The following CNKSR1 variants were observed in gnomAD, a reference collection of about 807,000 sequenced individuals.
The protein encoded by CNKSR1 is CNK homolog protein 1.
CNKSR1 carries 88 observed loss-of-function variants against 95.6 expected under a neutral mutation model. That is an observed-to-expected ratio of 0.92 (90% CI 0.78 to 1.10). CNKSR1 has a LOEUF of 1.10. Ranked by LOEUF, CNKSR1 falls within the 50% of genes least tolerant of loss-of-function variation. The pLI is 0.00. For synonymous variants in CNKSR1, 355 were observed against 369.7 expected, an observed-to-expected ratio of 0.96 and a Z score of 0.46; for missense variants, 836 against 912.0, an observed-to-expected ratio of 0.92 and a Z score of 1.07.
At chr1:26,186,002 C>T (rs1004727016) in intron 14 of CNKSR1, among the ~76,000 whole-genome samples, 1 of 152,138 alleles carries the variant, frequency 6.6e-6, no homozygotes, top group Non-Finnish European at 1.5e-5. Context: ...ATTTTTGCTT[C>T]TCCAGAACTT....
chr1:26,187,498 C>T lies in CNKSR1; in HGVS notation c.1454+16C>T. 1 of 1,613,328 alleles carries T rather than the reference C, an allele frequency of 6.2e-7. No homozygotes were observed. Among genetic ancestry groups the T allele is most frequent in the Non-Finnish European group, 8.5e-7 (1 of 1,179,328 alleles). ...ATCTGAGCATGTGAGTGCCGCCTCCCTTAGCCCCTACTCTCATATGATTCC... is the reference window on the plus strand; with the variant it reads ...ATCTGAGCATGTGAGTGCCGCCTCCTTTAGCCCCTACTCTCATATGATTCC... On this transcript the variant is annotated intron_variant, in intron 16 of 20. Coordinates refer to ENST00000361530, the MANE Select transcript of CNKSR1 (RefSeq NM_006314.3).
At position 26,177,608 on chromosome 1, in the gene CNKSR1, G is replaced by C; in HGVS notation, c.52+9G>C. ...GGCAACTTGGCTGAGAGGTGGGTGG[G>C]GCTGGGGTAGAGTTGGGCTTGAAGG... On this transcript the variant is annotated intron_variant, in intron 1 of 20. Coordinates refer to ENST00000361530, the MANE Select transcript of CNKSR1 (RefSeq NM_006314.3). 1 of 1,614,094 alleles carries C rather than the reference G, an allele frequency of 6.2e-7. No homozygotes were observed. Among genetic ancestry groups the C allele is most frequent in the Non-Finnish European group, 8.5e-7 (1 of 1,180,004 alleles).
At chr1:26,188,348 GA>G in intron 17 of CNKSR1, 41 bp downstream of exon 17, 1 of 1,612,638 alleles carries the variant, frequency 6.2e-7, no homozygotes, top group Non-Finnish European at 8.5e-7. Flanking sequence ...ACCCTCACCT[GA>G]GCCTGTGCCT....
Position 26,189,457 on chromosome 1 carries a change from A to T in CNKSR1, c.2051A>T (p.Gln684Leu). 1 of 1,614,012 alleles carries T rather than the reference A, an allele frequency of 6.2e-7. No individual in the cohort carries two copies. The highest frequency in any genetic ancestry group is 8.5e-7 in the Non-Finnish European group (1 of 1,179,956). The change falls in exon 21 of 21, where the codon CAG (glutamine) becomes CTG (leucine). Residue 684 changes from glutamine (Q) to leucine (L), a missense_variant. By Grantham distance (113) the Gln-to-Leu change is moderately radical. Transcript: ENST00000361530. The part of the protein sequence containing the change: ...SHILTSDSTE[Q>L]SPHSLPSDPE... ...ATCTTGACCTCTGACTCCACAGAAC[A>T]GTCCCCCCACTCCCTGCCCTCTGAC...
chr1:26,183,297 C>T (rs1348503808), intron 7 of CNKSR1, 41 bp downstream of exon 7: 1 of 1,614,072 alleles, frequency 6.2e-7, no homozygotes, highest in Non-Finnish European at 8.5e-7. Flanking sequence ...ATCCCCGAGG[C>T]CTCTCACCTG....
At position 26,184,296 on chromosome 1, in the gene CNKSR1, A is replaced by C; in HGVS notation, c.1000+9A>C. 1.9e-6 allele frequency: 3 copies of C among 1,613,224 alleles called. No individual in the cohort carries two copies. Among genetic ancestry groups the C allele is most frequent in the East Asian group, 2.2e-5 (1 of 44,766 alleles). On this transcript the variant is annotated intron_variant, in intron 11 of 20. Transcript: ENST00000361530. ...CAGCCCTGCCTGGACAGGTAGTCTC[A>C]AAGCTCCATGGATGCCCCGGACACG...
At position 26,183,343 on chromosome 1, in the gene CNKSR1, C is replaced by T. The variant is rs1274993219; in HGVS notation, c.685-3C>T. 1.2e-6 allele frequency: 2 copies of T among 1,614,066 alleles called. No individual in the cohort carries two copies. The highest frequency in any genetic ancestry group is 2.7e-5 in the African/African-American group (2 of 74,928). On this transcript the variant is annotated splice_polypyrimidine_tract_variant and splice_region_variant and intron_variant, in intron 7 of 20. Transcript: ENST00000361530. Reference sequence around the variant, plus strand: ...CAACCTCAGGCCCCATTCCCCACGTCAGGTTCCCACTGACTCCCGACTGCA... The same window carrying T: ...CAACCTCAGGCCCCATTCCCCACGTTAGGTTCCCACTGACTCCCGACTGCA...
intron 4 of CNKSR1, 160 bp downstream of exon 4, chr1:26,182,101 T>C: frequency 1.3e-6 from 1 of 786,352 alleles, no homozygotes; most frequent in Non-Finnish European, 2.2e-6. Flanking sequence ...CAATGGGGCC[T>C]GGGGTCCCCT....
intron 6 of CNKSR1, 126 bp from the exon 7 acceptor site, chr1:26,183,071 G>A: frequency 1.1e-6 from 1 of 950,544 alleles, no homozygotes; most frequent in South Asian, 1.3e-5. Flanking sequence ...AGTCTGGGCA[G>A]GACCAGCTTG....
intron 16 of CNKSR1, among the ~76,000 whole-genome samples, chr1:26,187,926 CT>C (rs1031945820): frequency 4.6e-5 from 7 of 151,078 alleles, no homozygotes; most frequent in Non-Finnish European, 1.0e-4. Context: ...CGGCATCTCT[CT>C]TTTTTTTTAA....
chr1:26,182,136 C>T (rs1471941427), intron 4 of CNKSR1, 195 bp downstream of exon 4: 1 of 724,956 alleles, frequency 1.4e-6, no homozygotes. Context: ...TTTTGACACT[C>T]AGGACAGGGA....
chr1:26,186,006 A>G (rs779215487), intron 14 of CNKSR1, among the ~76,000 whole-genome samples: 1 of 152,200 alleles, frequency 6.6e-6, no homozygotes, highest in African/African-American at 2.4e-5. Flanking sequence ...TTGCTTCTCC[A>G]GAACTTAGAG....
At chr1:26,184,871 C>T (rs1443007967) in intron 13 of CNKSR1, 143 bp from the exon 14 acceptor site, 11 of 916,994 alleles carry the variant, frequency 1.2e-5, no homozygotes, top group South Asian at 5.1e-5. Context: ...GGTCATCCCA[C>T]CTCAGAGATG....
rs1200261315 is a variant in CNKSR1 at position 26,187,284 on chromosome 1, A to G, written c.1382+43A>G. The G allele has an allele frequency of 9.4e-6, 15 of 1,592,504 alleles. No homozygotes were observed. In the East Asian group the frequency reaches 2.9e-4, roughly 31 times the overall value. ...GATGGGCTGGGGGATGGAGACAGAA[A>G]GGGAGAGGAAGGGTGATGGGGTAGC... On this transcript the variant is annotated intron_variant, in intron 15 of 20. Coordinates refer to ENST00000361530, the MANE Select transcript of CNKSR1 (RefSeq NM_006314.3).
At chr1:26,184,180 C>G in intron 10 of CNKSR1, 34 bp from the exon 11 acceptor site, 1 of 1,611,588 alleles carries the variant, frequency 6.2e-7, no homozygotes, top group Non-Finnish European at 8.5e-7. Flanking sequence ...GTGGGGAGAC[C>G]GTGGGCTCAT....
At chr1:26,183,065 T>C in intron 6 of CNKSR1, 132 bp from the exon 7 acceptor site, 2 of 905,000 alleles carry the variant, frequency 2.2e-6, no homozygotes, top group Non-Finnish European at 3.7e-6. Context: ...ACAGCAAGTC[T>C]GGGCAGGACC....
rs761950019 is a variant in CNKSR1 at position 26,185,123 on chromosome 1, G to A, written c.1245G>A (p.Pro415=). 11 of 1,590,548 alleles carry A rather than the reference G, an allele frequency of 6.9e-6. No individual in the cohort carries two copies. In the Admixed American group the frequency reaches 1.4e-4, roughly 20 times the overall value. ...LRKAPGGFMG[P]RWRRRWFVLK... The stretch of plus-strand genomic sequence containing the variant: ...AGGCACCGGGCGGCTTCATGGGCCC[G>A]CGCTGGCGCCGCCGCTGGTTTGTGC... Residue 415 remains proline (P), a synonymous_variant, in exon 14 of 21, where the codon CCG becomes CCA. Coordinates refer to ENST00000361530, the MANE Select transcript of CNKSR1 (RefSeq NM_006314.3).
chr1:26,189,241 G>C (rs779208092), intron 20 of CNKSR1, 38 bp from the exon 21 acceptor site: 3 of 1,611,836 alleles, frequency 1.9e-6, no homozygotes, highest in Non-Finnish European at 2.5e-6. Flanking sequence ...CCACTTCCCT[G>C]GGTGATCATG....
chr1:26,178,742 A>G (rs1017755521), intron 1 of CNKSR1, among the ~76,000 whole-genome samples: 10 of 152,244 alleles, frequency 6.6e-5, no homozygotes, highest in African/African-American at 2.4e-4. Context: ...CTCTGACCTT[A>G]TGAAGTCGAC....
Sources: gnomAD v4.1 joint callset for allele counts (sites outside exome capture counted in the v4.1 genomes callset) on GRCh38, gnomAD v4.1.1 for gene constraint, MANE v1.5 for transcripts, NCBI Gene and HGNC (gene_info 2026-07-23, HGNC 2026-07-21) for gene names.